TMEM106A: variants seen among roughly 807,000 people sequenced by gnomAD.
TMEM106A encodes transmembrane protein 106A.
TMEM106A carries 22 observed loss-of-function variants against 25.1 expected under a neutral mutation model. The ratio of observed to expected loss-of-function variants is 0.88; its 90% CI spans 0.63 to 1.25. The LOEUF (loss-of-function observed/expected upper bound fraction) is 1.25. Among genes scored for constraint, TMEM106A ranks in the 50% most tolerant of loss-of-function variants. TMEM106A has a pLI of 0.00. For synonymous variants in TMEM106A, 104 were observed against 129.9 expected (o/e 0.80, Z 1.35); for missense variants, 275 against 318.1 (o/e 0.86, Z 1.03).
Position 43,218,029 on chromosome 17 carries a change from A to G in TMEM106A, c.*228A>G, listed in dbSNP as rs537501298. The stretch of plus-strand genomic sequence containing the variant: ...CCAGATTCTTTCAGGGGCTGCCATC[A>G]GATTCTGCCCTTGGTTAGTTTTTTG... On this transcript the variant is annotated 3_prime_UTR_variant, in exon 9 of 9. Transcript: ENST00000612339. 4 of 585,516 alleles carry G rather than the reference A, an allele frequency of 6.8e-6. No homozygotes were observed. Among genetic ancestry groups the G allele is most frequent in the African/African-American group, 5.7e-5 (3 of 52,534 alleles). 36.3% of individuals were successfully genotyped at this position (585,516 alleles called of 1,614,324 possible).
intron 4 of TMEM106A, among the ~76,000 whole-genome samples, chr17:43,214,873 T>C (rs2057469810): frequency 6.6e-6 from 1 of 151,316 alleles, no homozygotes; most frequent in South Asian, 2.1e-4. Flanking sequence ...GGCAGGAGAA[T>C]TGTTTGAACC....
intron 5 of TMEM106A, 58 bp from the exon 6 acceptor site, chr17:43,216,391 T>C (rs1175304887): frequency 1.3e-6 from 2 of 1,599,010 alleles, no homozygotes; most frequent in Admixed American, 3.3e-5. Context: ...TGCAACTGTT[T>C]GGCTTTTCCT....
At chr17:43,215,982 A>C (rs955805555) in intron 5 of TMEM106A, 41 bp downstream of exon 5, 1 of 1,611,890 alleles carries the variant, frequency 6.2e-7, no homozygotes, top group Admixed American at 1.7e-5. Flanking sequence ...CTTCCTAGCA[A>C]TACTTCGCTG....
chr17:43,216,603 C>T lies in TMEM106A; in HGVS notation c.570+14C>T. On this transcript the variant is annotated intron_variant, in intron 6 of 8. Transcript: ENST00000612339. ...GCCAGTGAACAGGTGACTCCCCTCT[C>T]CCTGGCCAGCCCTGCCCACTGGTGT... 1 of 1,614,126 alleles carries T rather than the reference C, an allele frequency of 6.2e-7. No individual in the cohort carries two copies.
chr17:43,214,007 C>A, intron 4 of TMEM106A, 116 bp downstream of exon 4: 1 of 1,123,076 alleles, frequency 8.9e-7, no homozygotes, highest in Non-Finnish European at 1.3e-6. Context: ...CATAGAAAGC[C>A]TGAGCCTCAG....
chr17:43,216,468 A>G lies in TMEM106A; in HGVS notation c.449A>G (p.Asn150Ser), dbSNP rs138775072. The G allele has an allele frequency of 2.4e-4, 387 of 1,614,072 alleles. 4 individuals carry two copies. The highest frequency in any genetic ancestry group is 1.5e-4 in the Non-Finnish European group (173 of 1,179,962). ...CCCCAGAATATCTTAAACATCTCCAATGGCAACTACTACCCCATTATGGTG... is the reference window on the plus strand; with the variant it reads ...CCCCAGAATATCTTAAACATCTCCAGTGGCAACTACTACCCCATTATGGTG... Reference protein sequence around the residue: ...LNITNILNISNGNYYPIMVTQ... With the variant: ...LNITNILNISSGNYYPIMVTQ... Residue 150 changes from asparagine (N) to serine (S), a missense_variant, in exon 6 of 9, where the codon AAT becomes AGT. Physicochemically the swap from Asn to Ser is conservative, Grantham distance 46. Transcript: ENST00000612339.
At position 43,219,447 on chromosome 17, in the gene TMEM106A, C is replaced by T. The variant is rs1415783645; in HGVS notation, c.*1646C>T. The T allele has an allele frequency of 6.6e-6, 1 of 152,012 alleles. No homozygotes were observed. The highest frequency in any genetic ancestry group is 2.4e-5 in the African/African-American group (1 of 41,350). The allele number at this position is 152,012 out of a possible 1,614,324, so 9.4% of individuals were successfully genotyped here. ...ATTTGTTCATTAAAGGTGGCTTGGT[C>T]TTACAGCTGGGTGCAGTGGTATATA... On this transcript the variant is annotated 3_prime_UTR_variant, in exon 9 of 9. Transcript: ENST00000612339.
intron 2 of TMEM106A, among the ~76,000 whole-genome samples, chr17:43,212,675 C>T (rs2057444997): frequency 1.3e-5 from 2 of 152,214 alleles, no homozygotes; most frequent in Admixed American, 1.3e-4. Context: ...TATCCAACTT[C>T]CTTCCCTTAA....
Position 43,218,069 on chromosome 17 carries a change from G to C in TMEM106A, c.*268G>C. On this transcript the variant is annotated 3_prime_UTR_variant, in exon 9 of 9. Transcript: ENST00000612339. Reference sequence around the variant, plus strand: ...TTAGTTTTTTGTTTTTTTTTTGGTAGAGACAGAGTCTCACTGTTGGTCCAG... The same window carrying C: ...TTAGTTTTTTGTTTTTTTTTTGGTACAGACAGAGTCTCACTGTTGGTCCAG... The C allele has an allele frequency of 2.4e-6, 1 of 410,092 alleles. No individual in the cohort carries two copies. The highest frequency in any genetic ancestry group is 5.2e-5 in the East Asian group (1 of 19,218). 25.4% of individuals were successfully genotyped at this position (410,092 alleles called of 1,614,324 possible).
At chr17:43,214,188 CAAAAA>C (rs1171744040) in intron 4 of TMEM106A, among the ~76,000 whole-genome samples, 1 of 50,926 alleles carries the variant, frequency 2.0e-5, no homozygotes, top group Admixed American at 2.3e-4. Context: ...CCATCTCTAT[CAAAAA>C]AAAAAAAAAA....
chr17:43,213,999 T>C, intron 4 of TMEM106A, 108 bp downstream of exon 4: 2 of 1,197,718 alleles, frequency 1.7e-6, no homozygotes, highest in South Asian at 2.7e-5. Flanking sequence ...AGTTCTTCCA[T>C]AGAAAGCCTG....
At chr17:43,214,372 G>A (rs1363637115) in intron 4 of TMEM106A, among the ~76,000 whole-genome samples, 2 of 152,136 alleles carry the variant, frequency 1.3e-5, no homozygotes, top group Non-Finnish European at 2.9e-5. Context: ...GTCCTCCCAG[G>A]AAGGAGGGAA....
intron 5 of TMEM106A, among the ~76,000 whole-genome samples, chr17:43,216,238 G>T (rs187795998): frequency 3.3e-5 from 5 of 152,306 alleles, no homozygotes; most frequent in Non-Finnish European, 1.5e-5. Flanking sequence ...AGCTGTACAG[G>T]ATGGACCTGG....
chr17:43,218,054 G>T lies in TMEM106A; in HGVS notation c.*253G>T. 7.2e-6 allele frequency: 3 copies of T among 418,392 alleles called. No homozygotes were observed. The highest frequency in any genetic ancestry group is 1.3e-5 in the Non-Finnish European group (3 of 235,286). The allele number at this position is 418,392 out of a possible 1,614,324, so 25.9% of individuals were successfully genotyped here. A position where few individuals can be genotyped will look rare whatever the true frequency, so the allele number is the denominator to read the frequency against. ...AGATTCTGCCCTTGGTTAGTTTTTT[G>T]TTTTTTTTTTGGTAGAGACAGAGTC... On this transcript the variant is annotated 3_prime_UTR_variant, in exon 9 of 9. Coordinates refer to ENST00000612339, the MANE Select transcript of TMEM106A (RefSeq NM_145041.4).
Position 43,218,792 on chromosome 17 carries a change from G to A in TMEM106A, c.*991G>A, listed in dbSNP as rs1326994382. ...ATCTGCTTTGACCATGTGAAAAAGT[G>A]ATAGTCTGCTTCTCTCTGGTAACTT... On this transcript the variant is annotated 3_prime_UTR_variant, in exon 9 of 9. Coordinates refer to ENST00000612339, the MANE Select transcript of TMEM106A (RefSeq NM_145041.4). 1.3e-5 allele frequency: 2 copies of A among 152,234 alleles called. No individual in the cohort carries two copies. The highest frequency in any genetic ancestry group is 2.9e-5 in the Non-Finnish European group (2 of 68,072). 9.4% of individuals were successfully genotyped at this position (152,234 alleles called of 1,614,324 possible). A position where few individuals can be genotyped will look rare whatever the true frequency, so the allele number is the denominator to read the frequency against.
In TMEM106A at chr17:43,213,025, ACC is replaced by A; in HGVS notation, c.-13_-12del. 1.2e-6 allele frequency: 2 copies of A among 1,612,644 alleles called. No homozygotes were observed. The highest frequency in any genetic ancestry group is 8.5e-7 in the Non-Finnish European group (1 of 1,179,490). The stretch of plus-strand genomic sequence containing the variant: ...ACTTTGGTCTTTTCTCATTAGTGAA[ACC>A]CCCGCCCCTGAAGAATGGGTAAGAC... On this transcript the variant is annotated 5_prime_UTR_variant, in exon 3 of 9. Coordinates refer to ENST00000612339, the MANE Select transcript of TMEM106A (RefSeq NM_145041.4).
In TMEM106A at chr17:43,217,281, A is replaced by G. The variant is rs1422306904; in HGVS notation, c.637A>G (p.Ile213Val). 2 of 1,614,226 alleles carry G rather than the reference A, an allele frequency of 1.2e-6. No homozygotes were observed. Among genetic ancestry groups the G allele is most frequent in the Non-Finnish European group, 1.7e-6 (2 of 1,180,038 alleles). ...NTYKICTWLE[I>V]KVHHVLLHIQ... Reference sequence around the variant, plus strand: ...CAGCAAAATCTGTACCTGGCTGGAAATCAAAGTCCACCATGTGCTTTTGCA... The same window carrying G: ...CAGCAAAATCTGTACCTGGCTGGAAGTCAAAGTCCACCATGTGCTTTTGCA... Residue 213 changes from isoleucine (I) to valine (V), a missense_variant, in exon 8 of 9, where the codon ATC becomes GTC. Ile to Val is a conservative substitution (Grantham distance 29). Coordinates refer to ENST00000612339, the MANE Select transcript of TMEM106A (RefSeq NM_145041.4).
Position 43,216,559 on chromosome 17 carries a change from C to T in TMEM106A, c.540C>T (p.Leu180=), listed in dbSNP as rs370607598. 1 of 1,614,130 alleles carries T rather than the reference C, an allele frequency of 6.2e-7. No homozygotes were observed. Among genetic ancestry groups the T allele is most frequent in the African/African-American group, 1.3e-5 (1 of 74,948 alleles). Residue 180 remains leucine (L), a synonymous_variant, in exon 6 of 9, where the codon CTC becomes CTT. Transcript: ENST00000612339. ...TGGGGCAGGTTTCCAACAACCTTCT[C>T]CTACACATTGGCCCTTTGGCCAGTG... ...LVVGQVSNNL[L]LHIGPLASEQ...
intron 4 of TMEM106A, 54 bp downstream of exon 4, chr17:43,213,945 C>T: frequency 6.5e-7 from 1 of 1,549,200 alleles, no homozygotes; most frequent in South Asian, 1.1e-5. Flanking sequence ...GGGGGCTGCT[C>T]CCTTTGTCTC....
Sources: gnomAD v4.1 joint callset for allele counts (sites outside exome capture counted in the v4.1 genomes callset) on GRCh38, gnomAD v4.1.1 for gene constraint, MANE v1.5 for transcripts, NCBI Gene and HGNC (gene_info 2026-07-23, HGNC 2026-07-21) for gene names.